Variants in CWC27 observed in about 807,000 individuals in gnomAD.
CWC27 encodes CWC27 spliceosome associated cyclophilin, also known as spliceosome-associated protein CWC27 homolog.
Under a neutral mutation model 63.6 loss-of-function variants are expected in CWC27, and 47 were observed. That is an observed-to-expected ratio of 0.74 (90% CI 0.58 to 0.94). The LOEUF (loss-of-function observed/expected upper bound fraction) is 0.94. Among genes scored for constraint, CWC27 ranks in the 40% least tolerant of loss-of-function variants. CWC27 has a pLI of 0.00. For missense variants in CWC27, 495 were observed against 554.3 expected, an observed-to-expected ratio of 0.89 and a Z score of 1.07; for synonymous variants, 175 against 179.8, an observed-to-expected ratio of 0.97 and a Z score of 0.22.
chr5:64,780,854 G>A (rs1203465105), intron 2 of CWC27, among the ~76,000 whole-genome samples: 1 of 151,906 alleles, frequency 6.6e-6, no homozygotes, highest in Non-Finnish European at 1.5e-5. Context: ...GGTTTTTGAT[G>A]TTAGCCATTC....
intron 11 of CWC27, among the ~76,000 whole-genome samples, chr5:64,892,142 C>T (rs541806616): frequency 2.8e-4 from 42 of 152,302 alleles, no homozygotes; most frequent in African/African-American, 9.6e-4. Flanking sequence ...TATCTCTCTG[C>T]ATCCCTTTGC....
At chr5:64,801,387 AT>A in intron 9 of CWC27, 55 bp downstream of exon 9, 1 of 1,220,470 alleles carries the variant, frequency 8.2e-7, no homozygotes, top group Non-Finnish European at 1.1e-6. Context: ...AAAGTACAAA[AT>A]TTTTACAAAA....
At chr5:64,990,092 T>C (rs1749505785) in intron 13 of CWC27, among the ~76,000 whole-genome samples, 1 of 152,162 alleles carries the variant, frequency 6.6e-6, no homozygotes, top group South Asian at 2.1e-4. Flanking sequence ...TATAAAGTAC[T>C]CCCTCTTGTT....
intron 11 of CWC27, among the ~76,000 whole-genome samples, chr5:64,887,476 C>T (rs1236573708): frequency 1.3e-5 from 2 of 152,126 alleles, no homozygotes; most frequent in Non-Finnish European, 2.9e-5. Context: ...AAGTGATTCT[C>T]GTACCTCAGC....
At chr5:64,839,074 C>T (rs1253258516) in intron 10 of CWC27, among the ~76,000 whole-genome samples, 1 of 152,088 alleles carries the variant, frequency 6.6e-6, no homozygotes, top group Non-Finnish European at 1.5e-5. Context: ...TTAATGGAAT[C>T]CTTTTTGTGA....
intron 10 of CWC27, among the ~76,000 whole-genome samples, chr5:64,826,632 T>C (rs1449325341): frequency 1.3e-5 from 2 of 152,102 alleles, no homozygotes; most frequent in African/African-American, 4.8e-5. Context: ...AAGTAGTAAG[T>C]TCTGACTTTA....
chr5:64,956,030 C>G (rs1402229876), intron 11 of CWC27, among the ~76,000 whole-genome samples: 1 of 152,132 alleles, frequency 6.6e-6, no homozygotes, highest in East Asian at 1.9e-4. Flanking sequence ...TGAAATTTTA[C>G]TGCCATTTTA....
intron 10 of CWC27, among the ~76,000 whole-genome samples, chr5:64,838,047 T>A (rs1255009352): frequency 2.0e-5 from 3 of 152,162 alleles, no homozygotes; most frequent in Non-Finnish European, 4.4e-5. Flanking sequence ...ATAAGCATTC[T>A]CTACAATTAG....
At chr5:64,801,272 TA>T in intron 8 of CWC27, 29 bp from the exon 9 acceptor site, 1 of 1,407,746 alleles carries the variant, frequency 7.1e-7, no homozygotes, top group Non-Finnish European at 9.6e-7. Flanking sequence ...ACCTTGAAAC[TA>T]AAATTTGTTT....
chr5:64,837,481 C>T (rs1416888611), intron 10 of CWC27, among the ~76,000 whole-genome samples: 1 of 151,546 alleles, frequency 6.6e-6, no homozygotes, highest in African/African-American at 2.4e-5. Context: ...TTCCAAAACT[C>T]ATGAGAAGAT....
intron 13 of CWC27, among the ~76,000 whole-genome samples, chr5:64,987,731 A>G (rs1330864738): frequency 2.6e-5 from 4 of 152,204 alleles, no homozygotes; most frequent in Non-Finnish European, 5.9e-5. Flanking sequence ...TCAACAGTTC[A>G]TTTCTTGCAT....
At chr5:64,986,415 C>T (rs1057395924) in intron 13 of CWC27, among the ~76,000 whole-genome samples, 3 of 152,100 alleles carry the variant, frequency 2.0e-5, no homozygotes, top group African/African-American at 7.2e-5. Context: ...TCTTTTTATA[C>T]ATTGTTGAAT....
At chr5:64,866,694 G>A (rs1191667045) in intron 10 of CWC27, among the ~76,000 whole-genome samples, 2 of 151,896 alleles carry the variant, frequency 1.3e-5, no homozygotes, top group African/African-American at 4.8e-5. Context: ...TAATTTCCAC[G>A]TATTTGTGAA....
At chr5:64,794,283 T>C (rs545326593) in intron 7 of CWC27, among the ~76,000 whole-genome samples, 8 of 152,242 alleles carry the variant, frequency 5.3e-5, no homozygotes, top group African/African-American at 1.9e-4. Flanking sequence ...TACAGTCAGA[T>C]AGATTTATAG....
At chr5:64,831,101 A>G (rs1745504239) in intron 10 of CWC27, among the ~76,000 whole-genome samples, 1 of 152,092 alleles carries the variant, frequency 6.6e-6, no homozygotes, top group Admixed American at 6.6e-5. Flanking sequence ...GATTTTGTGT[A>G]CTTCAGACAT....
intron 5 of CWC27, among the ~76,000 whole-genome samples, chr5:64,785,832 T>C (rs1743863655): frequency 6.6e-6 from 1 of 152,018 alleles, no homozygotes; most frequent in African/African-American, 2.4e-5. Context: ...TTAAAGGAAT[T>C]AGGTTTATTT....
At chr5:64,906,195 A>T (rs1303029951) in intron 11 of CWC27, among the ~76,000 whole-genome samples, 1 of 152,198 alleles carries the variant, frequency 6.6e-6, no homozygotes. Flanking sequence ...GTATATGCCC[A>T]GTAATGGAAT....
chr5:64,916,039 G>A (rs1390154724), intron 11 of CWC27, among the ~76,000 whole-genome samples: 1 of 152,154 alleles, frequency 6.6e-6, no homozygotes, highest in Non-Finnish European at 1.5e-5. Flanking sequence ...GATTGAGAAA[G>A]AGCAAAGCTC....
At chr5:64,995,644 A>G (rs2112461886) in intron 13 of CWC27, among the ~76,000 whole-genome samples, 1 of 152,228 alleles carries the variant, frequency 6.6e-6, no homozygotes, top group South Asian at 2.1e-4. Flanking sequence ...TGTGTTCTTT[A>G]TCAGAGTAAG....
Sources: allele counts gnomAD v4.1 joint callset (sites outside exome capture counted in the v4.1 genomes callset), GRCh38; gene constraint gnomAD v4.1.1; transcripts MANE v1.5; gene names NCBI Gene and HGNC (gene_info 2026-07-23, HGNC 2026-07-21).